Variants in AURKA observed in about 807,000 individuals in gnomAD.
AURKA encodes aurora kinase A, also known as aurora 2.
AURKA carries 12 observed loss-of-function variants against 40.9 expected under a neutral mutation model. That is an observed-to-expected ratio of 0.29 (90% CI 0.19 to 0.48). The LOEUF (loss-of-function observed/expected upper bound fraction) is 0.48, where lower values mean the gene tolerates loss of function less well. Among genes scored for constraint, AURKA ranks in the 20% least tolerant of loss-of-function variants. The pLI, the probability that AURKA is intolerant of heterozygous loss-of-function variation, is 0.99. For missense variants in AURKA, 322 were observed against 462.1 expected, an observed-to-expected ratio of 0.70 and a Z score of 2.78; for synonymous variants, 170 against 164.3, an observed-to-expected ratio of 1.03 and a Z score of -0.26.
rs1372582799 is a variant in AURKA at position 56,383,114 on chromosome 20, T to C, written c.437A>G (p.Asn146Ser). 2 of 1,614,208 alleles carry C rather than the reference T, an allele frequency of 1.2e-6. No homozygotes were observed. The highest frequency in any genetic ancestry group is 1.6e-4 in the Middle Eastern group (1 of 6,062). The change falls in exon 5 of 9, where the codon AAT becomes AGT. Residue 146 changes from asparagine (N) to serine (S), a missense_variant. By Grantham distance (46) the Asn-to-Ser change is conservative. Transcript: ENST00000395915. ...GRPLGKGKFG[N>S]VYLAREKQSK... Reference sequence around the variant, plus strand: ...TTGCTTTTCTCTTGCCAAATAAACATTACCAAACTTTCCTTTACCCAGAGG... The same window carrying C: ...TTGCTTTTCTCTTGCCAAATAAACACTACCAAACTTTCCTTTACCCAGAGG...
intron 6 of AURKA, among the ~76,000 whole-genome samples, chr20:56,380,448 CA>C (rs957348547): frequency 2.0e-5 from 3 of 151,564 alleles, no homozygotes; most frequent in African/African-American, 7.3e-5. Context: ...CATTATAGCT[CA>C]AGAGATAAAA....
intron 4 of AURKA, 131 bp downstream of exon 4, chr20:56,384,139 T>C: frequency 1.6e-6 from 1 of 634,816 alleles, no homozygotes. Flanking sequence ...ATTGGAAATC[T>C]GGAAACATTT....
At chr20:56,378,667 A>G (rs1460502273) in intron 6 of AURKA, among the ~76,000 whole-genome samples, 2 of 152,242 alleles carry the variant, frequency 1.3e-5, no homozygotes, top group Non-Finnish European at 2.9e-5. Context: ...AGGTACTTCC[A>G]TATAATGAAA....
intron 7 of AURKA, among the ~76,000 whole-genome samples, chr20:56,371,386 C>T (rs1487639878): frequency 3.3e-5 from 5 of 151,074 alleles, no homozygotes; most frequent in African/African-American, 4.9e-5. Context: ...GGCGTGAACC[C>T]GGGAGGCGAG....
At position 56,370,058 on chromosome 20, in the gene AURKA, G is replaced by A. The variant is rs1983900104; in HGVS notation, c.*100C>T. On this transcript the variant is annotated 3_prime_UTR_variant, in exon 9 of 9. Coordinates refer to ENST00000395915, the MANE Select transcript of AURKA (RefSeq NM_198437.3). ...CAAATATTTCTTGTGTAGCGTTCTA[G>A]ATTGAGGGCAGCAGTCAATGGTAAA... 6 of 1,434,448 alleles carry A rather than the reference G, an allele frequency of 4.2e-6. No individual in the cohort carries two copies. In the South Asian group the frequency reaches 5.8e-5, roughly 14 times the overall value. 88.9% of individuals were successfully genotyped at this position (1,434,448 alleles called of 1,614,324 possible). A position where few individuals can be genotyped will look rare whatever the true frequency, so the allele number is the denominator to read the frequency against.
intron 1 of AURKA, chr20:56,388,534 G>A (rs1242493934): frequency 3.9e-5 from 14 of 355,230 alleles, no homozygotes; most frequent in East Asian, 3.2e-4. Flanking sequence ...TCTTTAGGCC[G>A]GGCATGGTGG....
intron 3 of AURKA, 80 bp downstream of exon 3, chr20:56,386,177 T>C: frequency 6.4e-7 from 1 of 1,562,024 alleles, no homozygotes; most frequent in Non-Finnish European, 8.8e-7. Context: ...CTCCAAACAA[T>C]AAGTGCAAGT....
At chr20:56,376,279 T>C (rs1295042831) in intron 6 of AURKA, among the ~76,000 whole-genome samples, 1 of 152,170 alleles carries the variant, frequency 6.6e-6, no homozygotes, top group Non-Finnish European at 1.5e-5. Flanking sequence ...TAGATTTACT[T>C]ATTGATCTGT....
intron 5 of AURKA, 81 bp from the exon 6 acceptor site, chr20:56,381,652 T>A: frequency 6.4e-7 from 1 of 1,558,740 alleles, no homozygotes. Flanking sequence ...AAACTCTTCA[T>A]GTAAAACCAG....
chr20:56,371,398 T>C (rs1387616221), intron 7 of AURKA, among the ~76,000 whole-genome samples: 1 of 151,294 alleles, frequency 6.6e-6, no homozygotes, highest in African/African-American at 2.4e-5. Flanking sequence ...GGAGGCGAGC[T>C]TGTAGTGAGC....
chr20:56,392,073 G>C (rs1196506691), intron 1 of AURKA, 95 bp downstream of exon 1: 7 of 152,226 alleles, frequency 4.6e-5, no homozygotes, highest in African/African-American at 1.7e-4. Context: ...CAGGGGACTT[G>C]ACGCTCCGCC....
Position 56,373,332 on chromosome 20 carries a change from A to C in AURKA, c.854+76T>G. ...CTTACAGCACAAAATCTACACTGAAATATTTTACATTTAGCTCACGGTTAG... is the reference window on the plus strand; with the variant it reads ...CTTACAGCACAAAATCTACACTGAACTATTTTACATTTAGCTCACGGTTAG... On this transcript the variant is annotated intron_variant, in intron 7 of 8. Transcript: ENST00000395915. The surrounding 1 kb of genome is among the most constrained non-coding windows in gnomAD (Gnocchi z 5.0). The C allele has an allele frequency of 6.2e-7, 1 of 1,606,748 alleles. No homozygotes were observed. Among genetic ancestry groups the C allele is most frequent in the South Asian group, 1.1e-5 (1 of 90,870 alleles).
chr20:56,376,922 A>C lies in AURKA; in HGVS notation c.706-3366T>G, dbSNP rs1984998591. Among the ~76,000 whole-genome samples the C allele has an allele frequency of 2.6e-5, 4 of 152,304 alleles. No homozygotes were observed. The South Asian group carries it at 6.2e-4, about 24-fold the overall frequency. Reference sequence around the variant, plus strand: ...TGATGAAACCCTGTCTCTACTAAAAATACAAAAATTAGCTGGGCGTGGTGG... The same window carrying C: ...TGATGAAACCCTGTCTCTACTAAAACTACAAAAATTAGCTGGGCGTGGTGG... On this transcript the variant is annotated intron_variant, in intron 6 of 8. Transcript: ENST00000395915.
rs1216852225 is a variant in AURKA at position 56,378,156 on chromosome 20, AAAAC to A, written c.705+3273_705+3276del. 5.9e-5 allele frequency among the ~76,000 whole-genome samples: 9 copies of A among 152,290 alleles called. No homozygotes were observed. In the South Asian group the frequency reaches 1.2e-3, roughly 21 times the overall value. ...CTGGGCGACAGTGAGACCTTGTCTC[AAAAC>A]AAACAAACAAAAATCCAAAACACTG... On this transcript the variant is annotated intron_variant, in intron 6 of 8. Transcript: ENST00000395915.
chr20:56,383,346 G>A (rs1985971700), intron 4 of AURKA, among the ~76,000 whole-genome samples, 170 bp from the exon 5 acceptor site: 1 of 152,196 alleles, frequency 6.6e-6, no homozygotes, highest in Non-Finnish European at 1.5e-5. Flanking sequence ...GCCACGACAT[G>A]AAACCCTGAC....
At chr20:56,381,700 T>C (rs1985734098) in intron 5 of AURKA, 129 bp from the exon 6 acceptor site, 1 of 1,157,758 alleles carries the variant, frequency 8.6e-7, no homozygotes, top group African/African-American at 1.5e-5. Flanking sequence ...AACCCCACTT[T>C]AGAATCTGAA....
At chr20:56,382,449 A>G (rs985975363) in intron 5 of AURKA, among the ~76,000 whole-genome samples, 4 of 152,180 alleles carry the variant, frequency 2.6e-5, no homozygotes, top group African/African-American at 9.7e-5. Flanking sequence ...AAAACACTGA[A>G]AGAAAAAAAG....
intron 7 of AURKA, among the ~76,000 whole-genome samples, chr20:56,371,490 A>G (rs1404242732): frequency 7.3e-6 from 1 of 137,388 alleles, no homozygotes; most frequent in African/African-American, 2.7e-5. Flanking sequence ...CTTAACCTGA[A>G]TCTCTTCAGG....
At chr20:56,385,144 A>G (rs1378137681) in intron 3 of AURKA, among the ~76,000 whole-genome samples, 3 of 152,170 alleles carry the variant, frequency 2.0e-5, no homozygotes, top group Non-Finnish European at 4.4e-5. Flanking sequence ...GAGCTCTCAA[A>G]TTTGTGTGCA....
Sources: allele counts gnomAD v4.1 joint callset (sites outside exome capture counted in the v4.1 genomes callset), GRCh38; gene constraint gnomAD v4.1.1; non-coding constraint Gnocchi (gnomAD v3.1); transcripts MANE v1.5; gene names NCBI Gene and HGNC (gene_info 2026-07-23, HGNC 2026-07-21).